The following BICC1 variants were observed in gnomAD, a reference collection of about 807,000 sequenced individuals.
BICC1 encodes the protein protein bicaudal C homolog 1.
In BICC1, 43 loss-of-function variants were observed where a neutral mutation model predicts 111.0. The ratio of observed to expected loss-of-function variants is 0.39; its 90% confidence interval spans 0.30 to 0.50. The LOEUF (loss-of-function observed/expected upper bound fraction) is 0.50, where lower values mean the gene tolerates loss of function less well. Ranked by LOEUF, BICC1 falls within the 20% of genes least tolerant of loss-of-function variation. The pLI is 0.88. For missense variants in BICC1, 1,091 were observed against 1,203.2 expected, an observed-to-expected ratio of 0.91 and a Z score of 1.38; for synonymous variants, 467 against 434.4, an observed-to-expected ratio of 1.07 and a Z score of -0.93.
At chr10:58,589,775 A>AT (rs1844546217) in intron 1 of BICC1, among the ~76,000 whole-genome samples, 1 of 152,052 alleles carries the variant, frequency 6.6e-6, no homozygotes, top group African/African-American at 2.4e-5. Flanking sequence ...GTGCCCAGCC[A>AT]TTACAAATTT....
chr10:58,745,772 A>G (rs55707878), intron 3 of BICC1, among the ~76,000 whole-genome samples: 1,558 of 152,168 alleles, frequency 0.01, 9 homozygotes, highest in Middle Eastern at 0.037. Flanking sequence ...TTTTGAGATC[A>G]GCTAACTTTT....
intron 2 of BICC1, among the ~76,000 whole-genome samples, chr10:58,641,484 T>C (rs576599805): frequency 7.2e-5 from 11 of 152,138 alleles, no homozygotes; most frequent in Non-Finnish European, 1.0e-4. Flanking sequence ...TTTTTTTTGC[T>C]TTCCTGGAAC....
At position 58,759,981 on chromosome 10, in the gene BICC1, A is replaced by G. The variant is rs557150158; in HGVS notation, c.308-25020A>G. 8.1e-3 allele frequency among the ~76,000 whole-genome samples: 1,226 copies of G among 152,098 alleles called. 23 individuals are homozygous for G. Among genetic ancestry groups the G allele is most frequent in the African/African-American group, 0.028 (1,159 of 41,476 alleles). On this transcript the variant is annotated intron_variant, in intron 3 of 20. Transcript: ENST00000373886. ...TCAAAAGAAAAAGAAAAAAAAAAAAAAAAGAAGACAGCAAAGAAGTGAGAA... is the reference window on the plus strand; with the variant it reads ...TCAAAAGAAAAAGAAAAAAAAAAAAGAAAGAAGACAGCAAAGAAGTGAGAA...
intron 3 of BICC1, among the ~76,000 whole-genome samples, chr10:58,763,193 A>G (rs546011036): frequency 5.9e-5 from 9 of 152,208 alleles, no homozygotes; most frequent in Non-Finnish European, 1.3e-4. Flanking sequence ...TGCTTCCAAT[A>G]ATGAATACAC....
At chr10:58,719,909 T>A (rs1840886916) in intron 3 of BICC1, among the ~76,000 whole-genome samples, 1 of 152,198 alleles carries the variant, frequency 6.6e-6, no homozygotes, top group African/African-American at 2.4e-5. Context: ...AAATACCTCT[T>A]GCAGAATATA....
intron 1 of BICC1, among the ~76,000 whole-genome samples, chr10:58,529,726 G>A (rs1005194968): frequency 8.6e-5 from 13 of 151,512 alleles, no homozygotes; most frequent in Non-Finnish European, 1.3e-4. Context: ...GATCTATAGC[G>A]TTTTTCTTCA....
intron 1 of BICC1, among the ~76,000 whole-genome samples, chr10:58,566,082 A>G (rs1246048461): frequency 4.6e-5 from 7 of 151,712 alleles, no homozygotes; most frequent in East Asian, 1.9e-4. Flanking sequence ...ATGATTTCCA[A>G]TTTTATCCAG....
intron 1 of BICC1, among the ~76,000 whole-genome samples, chr10:58,522,352 T>C (rs751637449): frequency 6.6e-6 from 1 of 152,096 alleles, no homozygotes; most frequent in Admixed American, 6.6e-5. Flanking sequence ...TATAACAAAC[T>C]GTCTCTCAGA....
intron 1 of BICC1, among the ~76,000 whole-genome samples, chr10:58,617,539 G>T (rs533427285): frequency 6.6e-6 from 1 of 152,336 alleles, no homozygotes; most frequent in African/African-American, 2.4e-5. Context: ...GTCTAGCTGG[G>T]GTGCTGCTAT....
intron 1 of BICC1, among the ~76,000 whole-genome samples, chr10:58,598,165 T>G (rs867716961): frequency 1.3e-5 from 2 of 152,022 alleles, no homozygotes; most frequent in African/African-American, 4.8e-5. Context: ...AACATAAAAC[T>G]TCATATGGAA....
intron 3 of BICC1, among the ~76,000 whole-genome samples, chr10:58,783,431 G>T (rs534269315): frequency 6.6e-6 from 1 of 152,096 alleles, no homozygotes; most frequent in East Asian, 1.9e-4. Context: ...TGCAACATAA[G>T]AATATGATAT....
chr10:58,767,081 A>G (rs1260219704), intron 3 of BICC1, among the ~76,000 whole-genome samples: 3 of 151,984 alleles, frequency 2.0e-5, no homozygotes, highest in Admixed American at 6.6e-5. Flanking sequence ...TATAAACCCA[A>G]CCAATTCCAT....
At chr10:58,612,638 C>A (rs781627996) in intron 1 of BICC1, among the ~76,000 whole-genome samples, 2 of 149,342 alleles carry the variant, frequency 1.3e-5, no homozygotes, top group Non-Finnish European at 1.5e-5. Flanking sequence ...TGCCCTGATT[C>A]TTTACAGATT....
At chr10:58,789,984 A>G in intron 8 of BICC1, 51 bp downstream of exon 8, 1 of 1,588,780 alleles carries the variant, frequency 6.3e-7, no homozygotes, top group Non-Finnish European at 8.6e-7. Context: ...CTTTGGATTC[A>G]GTGCATGTTT....
chr10:58,824,708 T>A (rs572912355), intron 20 of BICC1, among the ~76,000 whole-genome samples: 1 of 152,150 alleles, frequency 6.6e-6, no homozygotes, highest in South Asian at 2.1e-4. Context: ...CATGCAAATA[T>A]AAGGTGAATC....
intron 9 of BICC1, 138 bp downstream of exon 9, chr10:58,793,753 C>T (rs1475716781): frequency 3.3e-6 from 3 of 917,164 alleles, no homozygotes; most frequent in African/African-American, 3.5e-5. Flanking sequence ...CCGGAATGCT[C>T]CAAAAGCTGA....
At chr10:58,809,113 C>T (rs992325274) in intron 17 of BICC1, among the ~76,000 whole-genome samples, 2 of 152,156 alleles carry the variant, frequency 1.3e-5, no homozygotes, top group African/African-American at 4.8e-5. Context: ...ACCTGTGCCT[C>T]CCAGGTTCAA....
chr10:58,830,378 C>G lies in BICC1; in HGVS notation c.*1487C>G, dbSNP rs754027999. The G allele has an allele frequency of 6.6e-6, 1 of 152,096 alleles. No homozygotes were observed. Among genetic ancestry groups the G allele is most frequent in the Non-Finnish European group, 1.5e-5 (1 of 68,016 alleles). The allele number at this position is 152,096 out of a possible 1,614,324, so 9.4% of individuals were successfully genotyped here. A position where few individuals can be genotyped will look rare whatever the true frequency, so the allele number is the denominator to read the frequency against. ...AAAACTTTCCCATAGGAAATGTTGT[C>G]AAGTTACCTGTACTGTAAAGAGTTA... On this transcript the variant is annotated 3_prime_UTR_variant, in exon 21 of 21. Transcript: ENST00000373886.
intron 17 of BICC1, among the ~76,000 whole-genome samples, chr10:58,808,854 T>C (rs1843802399): frequency 6.6e-6 from 1 of 152,012 alleles, no homozygotes; most frequent in Non-Finnish European, 1.5e-5. Flanking sequence ...TAGCTGGGAT[T>C]ACAGACACCC....
Sources: allele counts gnomAD v4.1 joint callset (sites outside exome capture counted in the v4.1 genomes callset), GRCh38; gene constraint gnomAD v4.1.1; transcripts MANE v1.5; gene names NCBI Gene and HGNC (gene_info 2026-07-23, HGNC 2026-07-21).